The following TTC39C variants were observed in gnomAD, a reference collection of about 807,000 sequenced individuals.
The protein encoded by TTC39C is tetratricopeptide repeat domain 39C.
TTC39C carries 33 observed loss-of-function variants against 76.3 expected under a neutral mutation model. That is an observed-to-expected ratio of 0.43 (90% CI 0.33 to 0.58). The LOEUF (loss-of-function observed/expected upper bound fraction) is 0.58, where lower values mean the gene tolerates loss of function less well. Among genes scored for constraint, TTC39C ranks in the 20% least tolerant of loss-of-function variants. The pLI is 0.04. For synonymous variants in TTC39C, 254 were observed against 260.6 expected, an observed-to-expected ratio of 0.97 and a Z score of 0.24; for missense variants, 595 against 701.4, an observed-to-expected ratio of 0.85 and a Z score of 1.71.
At chr18:24,069,602 T>A (rs2084211800) in intron 4 of TTC39C, among the ~76,000 whole-genome samples, 1 of 152,160 alleles carries the variant, frequency 6.6e-6, no homozygotes, top group Non-Finnish European at 1.5e-5. Context: ...TAAAGTGAAA[T>A]GTAACTGGCT....
At chr18:24,106,857 G>C (rs1409355173) in intron 6 of TTC39C, among the ~76,000 whole-genome samples, 1 of 152,176 alleles carries the variant, frequency 6.6e-6, no homozygotes, top group African/African-American at 2.4e-5. Context: ...GCTAATTTTT[G>C]TATTTTTAGT....
intron 1 of TTC39C, among the ~76,000 whole-genome samples, chr18:24,040,435 G>A (rs1026351500): frequency 6.6e-6 from 1 of 152,068 alleles, no homozygotes; most frequent in Non-Finnish European, 1.5e-5. Context: ...TAACCCTAAC[G>A]TAACTTTTAA....
intron 1 of TTC39C, among the ~76,000 whole-genome samples, chr18:24,030,476 G>A (rs1221211245): frequency 6.6e-6 from 1 of 152,110 alleles, no homozygotes; most frequent in Admixed American, 6.6e-5. Flanking sequence ...GTTAGAAGTA[G>A]TACACTCTTG....
intron 6 of TTC39C, among the ~76,000 whole-genome samples, chr18:24,098,431 CCTTTCCTTT>C (rs1336539813): frequency 8.6e-5 from 10 of 115,686 alleles, no homozygotes; most frequent in African/African-American, 3.0e-4. Flanking sequence ...CTTCCTTCCT[CCTTTCCTTT>C]CTTTCCTTTC....
At chr18:24,040,683 G>T (rs1392929532) in intron 1 of TTC39C, among the ~76,000 whole-genome samples, 1 of 152,148 alleles carries the variant, frequency 6.6e-6, no homozygotes, top group Non-Finnish European at 1.5e-5. Flanking sequence ...AACTAGTAAA[G>T]AGAAAAGCCC....
At chr18:24,126,894 C>CT (rs1289519471) in intron 10 of TTC39C, among the ~76,000 whole-genome samples, 1 of 152,108 alleles carries the variant, frequency 6.6e-6, no homozygotes, top group East Asian at 1.9e-4. Flanking sequence ...CTATAAATGT[C>CT]TAACTCAAAG....
intron 1 of TTC39C, among the ~76,000 whole-genome samples, chr18:24,041,356 C>T (rs760862980): frequency 1.3e-5 from 2 of 152,182 alleles, no homozygotes; most frequent in African/African-American, 2.4e-5. Context: ...TTTGAGAACT[C>T]TGGGCTCCAC....
chr18:24,074,865 G>A (rs974750244), intron 4 of TTC39C, among the ~76,000 whole-genome samples: 3 of 151,958 alleles, frequency 2.0e-5, no homozygotes, highest in African/African-American at 7.3e-5. Flanking sequence ...TGTTTATTGC[G>A]GCACTATTCA....
chr18:24,086,344 G>A (rs1270989924), intron 6 of TTC39C, among the ~76,000 whole-genome samples: 1 of 152,182 alleles, frequency 6.6e-6, no homozygotes, highest in African/African-American at 2.4e-5. Context: ...ATCTGTGCCC[G>A]TCAGTGTTCA....
Position 24,050,678 on chromosome 18 carries a change from C to T in TTC39C, c.168-13462C>T, listed in dbSNP as rs187873163. ...CCTGAGGTCAGGAGTTCGAGACCAGCCTGACCTACATAGTGAAATCCTGTC... is the reference window on the plus strand; with the variant it reads ...CCTGAGGTCAGGAGTTCGAGACCAGTCTGACCTACATAGTGAAATCCTGTC... On this transcript the variant is annotated intron_variant, in intron 1 of 13. Coordinates refer to ENST00000317571, the MANE Select transcript of TTC39C (RefSeq NM_001135993.2). 6.3e-4 allele frequency among the ~76,000 whole-genome samples: 95 copies of T among 151,938 alleles called. No homozygotes were observed. The Middle Eastern group carries it at 0.017, about 28-fold the overall frequency.
At chr18:24,083,414 TTACTAA>T (rs1326372020) in intron 6 of TTC39C, among the ~76,000 whole-genome samples, 4 of 152,216 alleles carry the variant, frequency 2.6e-5, no homozygotes, top group Non-Finnish European at 5.9e-5. Flanking sequence ...CCTCTCTGAA[TTACTAA>T]TAATCTCTTT....
chr18:24,045,892 AATATATATATAT>A lies in TTC39C; in HGVS notation c.168-18223_168-18212del, dbSNP rs1212560698. 2.4e-3 allele frequency among the ~76,000 whole-genome samples: 145 copies of A among 61,200 alleles called. 1 individual carries two copies. The highest frequency in any genetic ancestry group is 0.011 in the Middle Eastern group (1 of 90). 40.1% of individuals were successfully genotyped at this position (61,200 alleles called of 152,430 possible). On this transcript the variant is annotated intron_variant, in intron 1 of 13. Transcript: ENST00000317571. The stretch of plus-strand genomic sequence containing the variant: ...ATTTTAGGGTACTTCCTTCTGTGAA[AATATATATATAT>A]ATATATATATATATATATATATATT...
At chr18:24,043,122 GT>G (rs1261832030) in intron 1 of TTC39C, among the ~76,000 whole-genome samples, 1 of 152,154 alleles carries the variant, frequency 6.6e-6, no homozygotes, top group African/African-American at 2.4e-5. Flanking sequence ...AGACTAAGTA[GT>G]TGAAAATAAT....
upstream of TTC39C, among the ~76,000 whole-genome samples, chr18:24,012,272 A>G (rs932565971): frequency 6.6e-6 from 1 of 152,140 alleles, no homozygotes; most frequent in Non-Finnish European, 1.5e-5. Context: ...AATTTTGCAC[A>G]TATCTGGTGT....
At chr18:24,074,864 C>T (rs535709475) in intron 4 of TTC39C, among the ~76,000 whole-genome samples, 11 of 151,990 alleles carry the variant, frequency 7.2e-5, no homozygotes, top group Non-Finnish European at 1.2e-4. Flanking sequence ...ATGTTTATTG[C>T]GGCACTATTC....
At chr18:24,042,662 C>A (rs1028044930) in intron 1 of TTC39C, among the ~76,000 whole-genome samples, 6 of 152,064 alleles carry the variant, frequency 3.9e-5, no homozygotes, top group Admixed American at 3.9e-4. Flanking sequence ...ATTGTTTTGT[C>A]TAGGGGTCAA....
chr18:24,020,226 C>T (rs2083502599), intron 1 of TTC39C: 6 of 1,069,942 alleles, frequency 5.6e-6, no homozygotes, highest in Non-Finnish European at 6.8e-6. Context: ...AAAAAGGCAT[C>T]TTTTTTCCCC....
intron 6 of TTC39C, among the ~76,000 whole-genome samples, chr18:24,089,904 C>T (rs1242239238): frequency 1.3e-5 from 2 of 152,136 alleles, no homozygotes; most frequent in Non-Finnish European, 2.9e-5. Flanking sequence ...CATTTCAAAA[C>T]ACATACATAA....
intron 13 of TTC39C, 104 bp downstream of exon 13, chr18:24,132,024 T>C: frequency 8.7e-7 from 1 of 1,145,962 alleles, no homozygotes; most frequent in Non-Finnish European, 1.2e-6. Context: ...TTCTGGTTGG[T>C]AATATTTCTG....
Sources: gnomAD v4.1 joint callset for allele counts (sites outside exome capture counted in the v4.1 genomes callset) on GRCh38, gnomAD v4.1.1 for gene constraint, MANE v1.5 for transcripts, NCBI Gene and HGNC (gene_info 2026-07-23, HGNC 2026-07-21) for gene names.